The following SLX4IP variants were observed in gnomAD, a reference collection of about 807,000 sequenced individuals.
The protein encoded by SLX4IP is SLX4 interacting protein.
Under a neutral mutation model 32.9 loss-of-function variants are expected in SLX4IP, and 34 were observed. That is an observed-to-expected ratio of 1.03 (90% confidence interval 0.79 to 1.38). The LOEUF (loss-of-function observed/expected upper bound fraction) is 1.38. Among genes scored for constraint, SLX4IP ranks in the 40% most tolerant of loss-of-function variants. The pLI is 0.00. For synonymous variants in SLX4IP, 172 were observed against 171.7 expected, an observed-to-expected ratio of 1.00 and a Z score of -0.01; for missense variants, 444 against 479.0, an observed-to-expected ratio of 0.93 and a Z score of 0.68.
intron 6 of SLX4IP, chr20:10,613,992 G>A: frequency 8.2e-7 from 1 of 1,225,192 alleles, no homozygotes; most frequent in Middle Eastern, 2.5e-4. Flanking sequence ...ATCGTACACT[G>A]CTCTCTGTTC....
intron 6 of SLX4IP, among the ~76,000 whole-genome samples, chr20:10,616,173 A>G (rs1046207488): frequency 3.3e-5 from 5 of 151,944 alleles, no homozygotes; most frequent in African/African-American, 1.2e-4. Flanking sequence ...CCCACTCTCT[A>G]TATCCCGTCC....
In SLX4IP at chr20:10,445,932, GCTTTTTTT is replaced by G. The variant is rs773446128; in HGVS notation, c.-30+10480_-30+10487del. ...TGAGCCACTGTGCCTGGCTGAGATT[GCTTTTTTT>G]TTTTTTTTTTTTTTTTTAACTCAGC... is the stretch of plus-strand genomic sequence containing the variant. On this transcript the variant is annotated intron_variant, in intron 1 of 7. Coordinates refer to ENST00000334534, the MANE Select transcript of SLX4IP (RefSeq NM_001009608.3). Among the ~76,000 whole-genome samples, 223 of 126,206 alleles carry G rather than the reference GCTTTTTTT, an allele frequency of 1.8e-3. 1 individual carries two copies. The highest frequency in any genetic ancestry group is 1.8e-3 in the Non-Finnish European group (115 of 62,876). The allele number at this position is 126,206 out of a possible 152,430, so 82.8% of individuals were successfully genotyped here.
chr20:10,573,940 G>C (rs549950536), intron 4 of SLX4IP, among the ~76,000 whole-genome samples: 7 of 152,306 alleles, frequency 4.6e-5, no homozygotes, highest in African/African-American at 1.7e-4. Context: ...TGGTGAATGT[G>C]CTGCAATTTC....
At chr20:10,501,402 A>C (rs2065717298) in intron 2 of SLX4IP, among the ~76,000 whole-genome samples, 1 of 152,202 alleles carries the variant, frequency 6.6e-6, no homozygotes, top group African/African-American at 2.4e-5. Context: ...AACCAGAGCT[A>C]AAAAAGGAGC....
At chr20:10,445,711 G>T (rs1399830860) in intron 1 of SLX4IP, among the ~76,000 whole-genome samples, 1 of 148,446 alleles carries the variant, frequency 6.7e-6, no homozygotes, top group African/African-American at 2.5e-5. Flanking sequence ...TGCAACCTCC[G>T]CCTCCTGAGT....
intron 2 of SLX4IP, among the ~76,000 whole-genome samples, chr20:10,488,415 C>G (rs1312604067): frequency 6.6e-6 from 1 of 152,170 alleles, no homozygotes; most frequent in Non-Finnish European, 1.5e-5. Flanking sequence ...CATATCCATA[C>G]TCAGAAGGAA....
At chr20:10,473,948 A>G (rs1205131785) in intron 2 of SLX4IP, among the ~76,000 whole-genome samples, 3 of 151,626 alleles carry the variant, frequency 2.0e-5, no homozygotes, top group African/African-American at 4.8e-5. Context: ...TCAGCCTTCC[A>G]AGTAGCTGGG....
At chr20:10,524,189 G>T (rs1265861849) in intron 2 of SLX4IP, among the ~76,000 whole-genome samples, 2 of 152,222 alleles carry the variant, frequency 1.3e-5, no homozygotes, top group African/African-American at 4.8e-5. Context: ...TTGTAAAGTG[G>T]ACTGGCTGTG....
intron 4 of SLX4IP, among the ~76,000 whole-genome samples, chr20:10,568,928 T>C (rs936571048): frequency 1.3e-5 from 2 of 152,242 alleles, no homozygotes; most frequent in Non-Finnish European, 2.9e-5. Context: ...AACCCAAGAA[T>C]TATCTCAGAG....
chr20:10,548,413 G>C (rs550688943), intron 2 of SLX4IP, among the ~76,000 whole-genome samples: 1 of 152,164 alleles, frequency 6.6e-6, no homozygotes, highest in South Asian at 2.1e-4. Context: ...TAATTTTTTT[G>C]TATTTTTAGT....
rs2065384748 is a variant in SLX4IP, at chr20:10,466,836, G to A, written c.27+8605G>A. Reference sequence around the variant, plus strand: ...GATTTAAGGTTTTATTAATATTTAGGAGGAAAGGAGAGATTTTATTAAAAA... The same window carrying A: ...GATTTAAGGTTTTATTAATATTTAGAAGGAAAGGAGAGATTTTATTAAAAA... On this transcript the variant is annotated intron_variant, in intron 2 of 7. Transcript: ENST00000334534. Among the ~76,000 whole-genome samples the A allele has an allele frequency of 2.1e-5, 3 of 141,080 alleles. No homozygotes were observed. The South Asian group carries it at 6.8e-4, about 32-fold the overall frequency. The allele number at this position is 141,080 out of a possible 152,430, so 92.6% of individuals were successfully genotyped here.
chr20:10,533,857 T>C (rs749315149), intron 2 of SLX4IP, among the ~76,000 whole-genome samples: 2 of 152,002 alleles, frequency 1.3e-5, no homozygotes, highest in Non-Finnish European at 2.9e-5. Context: ...TGGCTTCAAG[T>C]GGTCCTCCTG....
chr20:10,465,171 A>G (rs2039797457), intron 2 of SLX4IP, among the ~76,000 whole-genome samples: 1 of 152,170 alleles, frequency 6.6e-6, no homozygotes, highest in Admixed American at 6.5e-5. Flanking sequence ...GCATCTCCCC[A>G]AGGCTTCATA....
intron 2 of SLX4IP, among the ~76,000 whole-genome samples, chr20:10,461,374 T>A (rs1016049271): frequency 1.3e-5 from 2 of 152,254 alleles, no homozygotes; most frequent in Admixed American, 6.5e-5. Flanking sequence ...AGCTTCCAGA[T>A]CATGGCAGGC....
chr20:10,540,243 G>A (rs1444756580), intron 2 of SLX4IP, among the ~76,000 whole-genome samples: 1 of 147,814 alleles, frequency 6.8e-6, no homozygotes, highest in Non-Finnish European at 1.5e-5. Context: ...ATACCTAGCC[G>A]AGCACAAAGC....
chr20:10,534,807 G>T (rs931630764), intron 2 of SLX4IP, among the ~76,000 whole-genome samples: 1 of 152,202 alleles, frequency 6.6e-6, no homozygotes, highest in African/African-American at 2.4e-5. Context: ...TCATGTACTT[G>T]TAGGAGACCA....
chr20:10,450,740 C>T lies in SLX4IP; in HGVS notation c.-29-7436C>T, dbSNP rs114437183. ...AGTAATAATAATTATCAATACTCAT[C>T]GAAGGCCTAGTGGTTTTTTTGTTTG... On this transcript the variant is annotated intron_variant, in intron 1 of 7. Coordinates refer to ENST00000334534, the MANE Select transcript of SLX4IP (RefSeq NM_001009608.3). Among the ~76,000 whole-genome samples, 701 of 152,286 alleles carry T rather than the reference C, an allele frequency of 4.6e-3. 7 individuals are homozygous for T. Among genetic ancestry groups the T allele is most frequent in the African/African-American group, 0.015 (622 of 41,572 alleles).
chr20:10,564,023 A>G (rs2066361047), intron 4 of SLX4IP, among the ~76,000 whole-genome samples: 1 of 152,222 alleles, frequency 6.6e-6, no homozygotes, highest in African/African-American at 2.4e-5. Flanking sequence ...AGGTATGAGC[A>G]TTGTGGACCC....
Position 10,621,428 on chromosome 20 carries a change from G to T in SLX4IP, c.506+14G>T, listed in dbSNP as rs768491274. 192 of 1,612,002 alleles carry T rather than the reference G, an allele frequency of 1.2e-4. No individual in the cohort carries two copies. Among genetic ancestry groups the T allele is most frequent in the Non-Finnish European group, 3.4e-6 (4 of 1,178,290 alleles). On this transcript the variant is annotated intron_variant, in intron 7 of 7. Transcript: ENST00000334534. Reference sequence around the variant, plus strand: ...TCTGAAAGAAATGTAGGTGCAATGTGTTTCCTTTTTCTCATTTTTGCCTGT... The same window carrying T: ...TCTGAAAGAAATGTAGGTGCAATGTTTTTCCTTTTTCTCATTTTTGCCTGT...
Sources: allele counts gnomAD v4.1 joint callset (sites outside exome capture counted in the v4.1 genomes callset), GRCh38; gene constraint gnomAD v4.1.1; transcripts MANE v1.5; gene names NCBI Gene and HGNC (gene_info 2026-07-23, HGNC 2026-07-21).